The following GPRIN3 variants were observed in gnomAD, a reference collection of about 807,000 sequenced individuals.
GPRIN3 encodes the protein GPRIN family member 3.
In GPRIN3, 12 loss-of-function variants were observed where a neutral mutation model predicts 13.7. The observed-to-expected ratio is 0.87, with a 90% CI of 0.56 to 1.42. The LOEUF (loss-of-function observed/expected upper bound fraction) is 1.42. GPRIN3 is among the 40% of genes most tolerant of loss of function. The probability of loss-of-function intolerance (pLI) is 0.00; values close to 1 mark genes in which losing one functional copy is unlikely to be tolerated. For missense variants in GPRIN3, 1,009 were observed against 958.7 expected (o/e 1.05, Z -0.69); for synonymous variants, 377 against 372.7 (o/e 1.01, Z -0.13).
At chr4:89,288,703 G>A (rs956638676) in intron 1 of GPRIN3, among the ~76,000 whole-genome samples, 2 of 152,130 alleles carry the variant, frequency 1.3e-5, no homozygotes, top group Non-Finnish European at 2.9e-5. Flanking sequence ...TTAAAGGTCA[G>A]GAGATATTAT....
chr4:89,251,852 T>C (rs1013958340), intron 1 of GPRIN3, among the ~76,000 whole-genome samples: 1 of 150,984 alleles, frequency 6.6e-6, no homozygotes, highest in East Asian at 1.9e-4. Context: ...AGAGGGAGAG[T>C]GATAAGTTGG....
intron 1 of GPRIN3, among the ~76,000 whole-genome samples, chr4:89,296,175 T>A (rs76110947): frequency 0.015 from 2,227 of 152,170 alleles, 54 homozygotes; most frequent in South Asian, 0.078. Flanking sequence ...TGAAATGACA[T>A]GAGGTGGTAA....
rs1723105599 is a variant in GPRIN3, at chr4:89,246,530, A to C, written c.*1250T>G. ...GTATAATCCACCCAAATCACAAGCC[A>C]TGTTTTCGTAAAGGCCTCTTCTTTC... On this transcript the variant is annotated 3_prime_UTR_variant, in exon 2 of 2. Transcript: ENST00000609438. 1 of 152,152 alleles carries C rather than the reference A, an allele frequency of 6.6e-6. No individual in the cohort carries two copies. 9.4% of individuals were successfully genotyped at this position (152,152 alleles called of 1,614,324 possible).
intron 1 of GPRIN3, among the ~76,000 whole-genome samples, chr4:89,277,203 G>C (rs540465849): frequency 1.3e-5 from 2 of 152,232 alleles, no homozygotes; most frequent in South Asian, 2.1e-4. Flanking sequence ...AGTTTAGAAA[G>C]TTTAGATCCA....
chr4:89,285,214 G>A (rs1199673610), intron 1 of GPRIN3, among the ~76,000 whole-genome samples: 2 of 151,686 alleles, frequency 1.3e-5, no homozygotes, highest in Non-Finnish European at 2.9e-5. Context: ...TGGGGGGTCA[G>A]GGGGCGGGGG....
rs527344449 is a variant in GPRIN3 at position 89,264,608 on chromosome 4, A to G, written c.-123-14375T>C. Reference sequence around the variant, plus strand: ...ATGTAGGAGCTCATGGGGAAGAGTGAGGAGTTCAGAATGGCAGCTGGAGCC... The same window carrying G: ...ATGTAGGAGCTCATGGGGAAGAGTGGGGAGTTCAGAATGGCAGCTGGAGCC... On this transcript the variant is annotated intron_variant, in intron 1 of 1. Coordinates refer to ENST00000609438, the MANE Select transcript of GPRIN3 (RefSeq NM_198281.3). 3.3e-5 allele frequency among the ~76,000 whole-genome samples: 5 copies of G among 152,212 alleles called. 1 individual carries two copies. Among genetic ancestry groups the G allele is most frequent in the African/African-American group, 7.2e-5 (3 of 41,536 alleles).
rs886837039 is a variant in GPRIN3 at position 89,241,324 on chromosome 4, G to C, written c.*6456C>G. Reference sequence around the variant, plus strand: ...TTTATTCATGTATGTACATATGCCTGCCTGAATACAGAAATTGGCCTTTAA... The same window carrying C: ...TTTATTCATGTATGTACATATGCCTCCCTGAATACAGAAATTGGCCTTTAA... On this transcript the variant is annotated 3_prime_UTR_variant, in exon 2 of 2. Transcript: ENST00000609438. The C allele has an allele frequency of 7.9e-5, 12 of 152,226 alleles. No individual in the cohort carries two copies. The highest frequency in any genetic ancestry group is 2.9e-4 in the African/African-American group (12 of 41,544). 9.4% of individuals were successfully genotyped at this position (152,226 alleles called of 1,614,324 possible). A position where few individuals can be genotyped will look rare whatever the true frequency, so the allele number is the denominator to read the frequency against.
intron 1 of GPRIN3, among the ~76,000 whole-genome samples, chr4:89,293,337 G>A (rs925571401): frequency 2.6e-5 from 4 of 152,180 alleles, no homozygotes; most frequent in Non-Finnish European, 4.4e-5. Flanking sequence ...TTCCTAAATC[G>A]TTCTTCATTC....
intron 1 of GPRIN3, among the ~76,000 whole-genome samples, chr4:89,278,348 CCTTT>C (rs1310651235): frequency 9.2e-5 from 14 of 152,180 alleles, no homozygotes; most frequent in African/African-American, 3.1e-4. Flanking sequence ...TCATTAACTT[CCTTT>C]ATCTGATTCT....
At chr4:89,257,601 C>T (rs1218100119) in intron 1 of GPRIN3, among the ~76,000 whole-genome samples, 1 of 152,202 alleles carries the variant, frequency 6.6e-6, no homozygotes, top group African/African-American at 2.4e-5. Context: ...AAGGTCACAC[C>T]ACTAGTGAGT....
chr4:89,236,963 A>G lies in GPRIN3; in HGVS notation c.*10817T>C, dbSNP rs913449652. 1 of 152,198 alleles carries G rather than the reference A, an allele frequency of 6.6e-6. No individual in the cohort carries two copies. Among genetic ancestry groups the G allele is most frequent in the Admixed American group, 6.5e-5 (1 of 15,276 alleles). 9.4% of individuals were successfully genotyped at this position (152,198 alleles called of 1,614,324 possible). A position where few individuals can be genotyped will look rare whatever the true frequency, so the allele number is the denominator to read the frequency against. ...ACAAGCAAATGCTTTGGAGCCCTTT[A>G]AGAAGTCTTATCTTGCTTTTAAACA... On this transcript the variant is annotated 3_prime_UTR_variant, in exon 2 of 2. Transcript: ENST00000609438.
At chr4:89,265,460 A>C (rs1049877639) in intron 1 of GPRIN3, among the ~76,000 whole-genome samples, 5 of 152,208 alleles carry the variant, frequency 3.3e-5, no homozygotes, top group African/African-American at 1.2e-4. Context: ...AAAAATACCC[A>C]AAATTAAAGA....
At chr4:89,264,169 C>A (rs1723722271) in intron 1 of GPRIN3, among the ~76,000 whole-genome samples, 1 of 152,150 alleles carries the variant, frequency 6.6e-6, no homozygotes, top group Non-Finnish European at 1.5e-5. Context: ...GTGTTTAGGT[C>A]ATGGGGGTGG....
chr4:89,300,001 AAAGC>A (rs1250776669), intron 1 of GPRIN3, among the ~76,000 whole-genome samples: 2 of 152,212 alleles, frequency 1.3e-5, no homozygotes, highest in African/African-American at 4.8e-5. Flanking sequence ...CGTACAGTAA[AAAGC>A]AAGCAAGTAC....
intron 1 of GPRIN3, among the ~76,000 whole-genome samples, chr4:89,269,428 G>A (rs561668567): frequency 7.2e-5 from 11 of 152,050 alleles, no homozygotes; most frequent in East Asian, 3.9e-4. Context: ...CGTCCACACC[G>A]CCCCCTCTAC....
At chr4:89,296,407 C>T (rs1014276938) in intron 1 of GPRIN3, among the ~76,000 whole-genome samples, 1 of 152,118 alleles carries the variant, frequency 6.6e-6, no homozygotes, top group African/African-American at 2.4e-5. Flanking sequence ...ATTAGAACTA[C>T]AGTTTTAAGA....
At chr4:89,307,570 C>G (rs1243737083) in intron 1 of GPRIN3, 45 bp downstream of exon 1, 1 of 152,314 alleles carries the variant, frequency 6.6e-6, no homozygotes, top group South Asian at 2.1e-4. Context: ...GCTCCGGTCC[C>G]CCGCGCTGGC....
Position 89,242,780 on chromosome 4 carries a change from A to T in GPRIN3, c.*5000T>A. ...AACAGTCTTTATTCTCATTATTAGT[A>T]TCTGAGATATTTGTGTCTTAAAAAA... On this transcript the variant is annotated 3_prime_UTR_variant, in exon 2 of 2. Coordinates refer to ENST00000609438, the MANE Select transcript of GPRIN3 (RefSeq NM_198281.3). 1 of 152,146 alleles carries T rather than the reference A, an allele frequency of 6.6e-6. No individual in the cohort carries two copies. Among genetic ancestry groups the T allele is most frequent in the Middle Eastern group, 3.2e-3 (1 of 316 alleles). 9.4% of individuals were successfully genotyped at this position (152,146 alleles called of 1,614,324 possible).
At chr4:89,290,133 G>A (rs1262650177) in intron 1 of GPRIN3, among the ~76,000 whole-genome samples, 1 of 151,500 alleles carries the variant, frequency 6.6e-6, no homozygotes, top group Non-Finnish European at 1.5e-5. Flanking sequence ...ACCATGCCCG[G>A]CTAATTTCTG....
Sources: gnomAD v4.1 joint callset for allele counts (sites outside exome capture counted in the v4.1 genomes callset) on GRCh38, gnomAD v4.1.1 for gene constraint, MANE v1.5 for transcripts, NCBI Gene and HGNC (gene_info 2026-07-23, HGNC 2026-07-21) for gene names.